ROBO1: variants seen among roughly 807,000 people sequenced by gnomAD.
ROBO1 encodes the protein roundabout homolog 1.
A neutral mutation model predicts 195.9 loss-of-function variants in ROBO1; 149 were observed. The observed-to-expected ratio is 0.76, with a 90% CI of 0.67 to 0.87. ROBO1 has a LOEUF of 0.87. Ranked by LOEUF, ROBO1 falls within the 40% of genes least tolerant of loss-of-function variation. ROBO1 has a pLI of 0.00. For missense variants in ROBO1, 1,933 were observed against 2,068.3 expected, an observed-to-expected ratio of 0.93 and a Z score of 1.27; for synonymous variants, 816 against 733.2, an observed-to-expected ratio of 1.11 and a Z score of -1.82.
intron 1 of ROBO1, among the ~76,000 whole-genome samples, chr3:79,599,292 G>A (rs1944270992): frequency 6.6e-6 from 1 of 151,978 alleles, no homozygotes. Context: ...CATCTGTTCA[G>A]CATGTTAAAG....
At chr3:79,726,806 TAA>T in intron 1 of ROBO1, among the ~76,000 whole-genome samples, 1 of 151,988 alleles carries the variant, frequency 6.6e-6, no homozygotes, top group East Asian at 1.9e-4. Context: ...ATAAAGAGAG[TAA>T]AATCCAAACA....
At chr3:79,096,617 G>A (rs1431208188) in intron 3 of ROBO1, among the ~76,000 whole-genome samples, 1 of 151,352 alleles carries the variant, frequency 6.6e-6, no homozygotes, top group Non-Finnish European at 1.5e-5. Context: ...TAATATGTGT[G>A]TGTGTGTATG....
chr3:78,810,658 T>C (rs574244778), intron 4 of ROBO1, among the ~76,000 whole-genome samples: 1 of 152,184 alleles, frequency 6.6e-6, no homozygotes, highest in South Asian at 2.1e-4. Context: ...ATTCTGGTTC[T>C]GATTTACAAT....
intron 4 of ROBO1, among the ~76,000 whole-genome samples, chr3:78,920,714 A>G (rs1190860415): frequency 1.4e-5 from 2 of 140,874 alleles, no homozygotes; most frequent in East Asian, 4.3e-4. Context: ...AGCTCACTGC[A>G]GCCTCAACCT....
At chr3:79,138,562 T>G (rs1179961308) in intron 2 of ROBO1, among the ~76,000 whole-genome samples, 1 of 152,146 alleles carries the variant, frequency 6.6e-6, no homozygotes, top group Non-Finnish European at 1.5e-5. Context: ...TTTTCTCCCC[T>G]GTAAGTGTTA....
At chr3:79,734,079 C>T (rs1161260418) in intron 1 of ROBO1, among the ~76,000 whole-genome samples, 1 of 151,986 alleles carries the variant, frequency 6.6e-6, no homozygotes, top group Non-Finnish European at 1.5e-5. Flanking sequence ...TTCTGAGTAG[C>T]TGGGATTACA....
At chr3:79,015,606 C>T (rs1181397181) in intron 3 of ROBO1, among the ~76,000 whole-genome samples, 1 of 152,104 alleles carries the variant, frequency 6.6e-6, no homozygotes, top group African/African-American at 2.4e-5. Context: ...CCCTCCCACC[C>T]CGCAAACTCA....
At chr3:79,026,279 C>T (rs773687545) in intron 3 of ROBO1, among the ~76,000 whole-genome samples, 29 of 152,008 alleles carry the variant, frequency 1.9e-4, no homozygotes, top group Non-Finnish European at 2.8e-4. Flanking sequence ...TTTATTATCT[C>T]ATTTTATACA....
At chr3:78,628,530 C>T (rs1001916939) in intron 25 of ROBO1, among the ~76,000 whole-genome samples, 3 of 152,050 alleles carry the variant, frequency 2.0e-5, no homozygotes, top group Non-Finnish European at 4.4e-5. Flanking sequence ...TATCCCAGGG[C>T]GTATGTTTAT....
chr3:78,920,242 TGATTAATGAAAGG>T, intron 4 of ROBO1, among the ~76,000 whole-genome samples: 5 of 152,200 alleles, frequency 3.3e-5, no homozygotes, highest in African/African-American at 1.2e-4. Flanking sequence ...GAATCCTTCA[TGATTAATGAAAGG>T]CTTTAACTGT....
At chr3:78,931,407 C>T (rs778745902) in intron 4 of ROBO1, among the ~76,000 whole-genome samples, 6 of 151,694 alleles carry the variant, frequency 4.0e-5, no homozygotes, top group Non-Finnish European at 7.4e-5. Flanking sequence ...CCACCATGCC[C>T]GTCTAATTTT....
At chr3:79,756,250 C>T (rs1704387834) in intron 1 of ROBO1, among the ~76,000 whole-genome samples, 1 of 151,980 alleles carries the variant, frequency 6.6e-6, no homozygotes, top group Non-Finnish European at 1.5e-5. Flanking sequence ...TGACACGCCT[C>T]ATTAGAAGTA....
intron 1 of ROBO1, among the ~76,000 whole-genome samples, chr3:79,672,879 A>G (rs1047314933): frequency 1.3e-5 from 2 of 151,984 alleles, no homozygotes; most frequent in Non-Finnish European, 2.9e-5. Context: ...GTACAATGTC[A>G]TATTCAACAG....
intron 2 of ROBO1, among the ~76,000 whole-genome samples, chr3:79,144,119 G>A (rs185734583): frequency 3.4e-4 from 51 of 152,010 alleles, no homozygotes; most frequent in African/African-American, 1.2e-3. Flanking sequence ...AGGAAATGTG[G>A]GTAGTTTCCA....
intron 2 of ROBO1, among the ~76,000 whole-genome samples, chr3:79,358,176 A>G (rs2035631799): frequency 6.6e-6 from 1 of 152,108 alleles, no homozygotes; most frequent in Admixed American, 6.5e-5. Context: ...GAAATTGTGA[A>G]AAAATACTAT....
chr3:78,750,194 G>A (rs944002956), intron 4 of ROBO1, among the ~76,000 whole-genome samples: 3 of 151,930 alleles, frequency 2.0e-5, no homozygotes, highest in African/African-American at 4.8e-5. Context: ...AGTGGCTCAC[G>A]CCTGTAATCC....
At chr3:79,683,028 G>A (rs1465896223) in intron 1 of ROBO1, among the ~76,000 whole-genome samples, 1 of 151,888 alleles carries the variant, frequency 6.6e-6, no homozygotes, top group Non-Finnish European at 1.5e-5. Flanking sequence ...AATCATATCA[G>A]TCCTAGTCTA....
chr3:79,399,577 C>T (rs1187840570), intron 2 of ROBO1, among the ~76,000 whole-genome samples: 1 of 152,118 alleles, frequency 6.6e-6, no homozygotes, highest in African/African-American at 2.4e-5. Context: ...AAATCAAAAG[C>T]GATCATGCCC....
chr3:79,466,922 G>T (rs113479098), intron 2 of ROBO1, among the ~76,000 whole-genome samples: 31 of 152,218 alleles, frequency 2.0e-4, no homozygotes, highest in African/African-American at 7.5e-4. Flanking sequence ...TCAAAATGAC[G>T]AAGATGGTGG....
Sources: gnomAD v4.1 joint callset for allele counts (sites outside exome capture counted in the v4.1 genomes callset) on GRCh38, gnomAD v4.1.1 for gene constraint, MANE v1.5 for transcripts, NCBI Gene and HGNC (gene_info 2026-07-23, HGNC 2026-07-21) for gene names.